The following KLHL42 variants were observed in gnomAD, a reference collection of about 807,000 sequenced individuals.
KLHL42 encodes kelch-like protein 42.
In KLHL42, 27 loss-of-function variants were observed where a neutral mutation model predicts 32.7. That is an observed-to-expected ratio of 0.83 (90% CI 0.61 to 1.14). The LOEUF (loss-of-function observed/expected upper bound fraction) is 1.14, where lower values mean the gene tolerates loss of function less well. KLHL42 is among the 50% of genes most tolerant of loss of function. The pLI, the probability that KLHL42 is intolerant of heterozygous loss-of-function variation, is 0.00. For missense variants in KLHL42, 491 were observed against 560.8 expected, an observed-to-expected ratio of 0.88 and a Z score of 1.26; for synonymous variants, 267 against 248.2, an observed-to-expected ratio of 1.08 and a Z score of -0.71.
At chr12:27,797,389 C>G (rs549334540) in intron 2 of KLHL42, 100 of 499,434 alleles carry the variant, frequency 2.0e-4, no homozygotes, top group Middle Eastern at 6.0e-4. Context: ...GAGGCACTTA[C>G]TTTTTTTACA....
chr12:27,789,815 G>GGGCT (rs149006498), intron 1 of KLHL42, among the ~76,000 whole-genome samples: 15 of 151,988 alleles, frequency 9.9e-5, no homozygotes, highest in Non-Finnish European at 1.5e-4. Context: ...ACAAAAAAGT[G>GGGCT]GGCTGGCTGG....
intron 1 of KLHL42, among the ~76,000 whole-genome samples, chr12:27,787,363 T>G (rs1349236847): frequency 6.6e-6 from 1 of 151,780 alleles, no homozygotes. Context: ...GGCATGGTGG[T>G]GGGCACCTGT....
At chr12:27,786,934 C>T (rs1165304628) in intron 1 of KLHL42, among the ~76,000 whole-genome samples, 1 of 151,380 alleles carries the variant, frequency 6.6e-6, no homozygotes, top group East Asian at 2.0e-4. Context: ...ACTGTGTTAG[C>T]CAGGATGGTC....
chr12:27,788,323 C>G (rs1245802595), intron 1 of KLHL42: 2 of 152,148 alleles, frequency 1.3e-5, no homozygotes, highest in Non-Finnish European at 2.9e-5. Context: ...CATATTAATG[C>G]TCACAACATC....
chr12:27,790,972 ACT>A (rs1300777966), intron 1 of KLHL42, among the ~76,000 whole-genome samples: 9 of 151,990 alleles, frequency 5.9e-5, no homozygotes, highest in African/African-American at 4.8e-5. Flanking sequence ...GAGGCAGGAG[ACT>A]CTCTTGAGCC....
At chr12:27,783,650 C>T (rs1044615592) in intron 1 of KLHL42, among the ~76,000 whole-genome samples, 18 of 152,002 alleles carry the variant, frequency 1.2e-4, no homozygotes, top group African/African-American at 3.6e-4. Flanking sequence ...GGCGGGATCT[C>T]GGCTCACTGC....
chr12:27,792,123 G>A lies in KLHL42; in HGVS notation c.1066+222G>A, dbSNP rs75026577. The A allele has an allele frequency of 4.2e-3, 1,579 of 378,328 alleles. 48 individuals carry two copies. In the East Asian group the frequency reaches 0.059, roughly 14 times the overall value. 23.4% of individuals were successfully genotyped at this position (378,328 alleles called of 1,614,324 possible). On this transcript the variant is annotated intron_variant, in intron 2 of 2. Transcript: ENST00000381271. Reference sequence around the variant, plus strand: ...TGTGTGAGCATGAAAATCGAATGGGGAAGGGAGAGCTGTGAAAAAAAAATG... The same window carrying A: ...TGTGTGAGCATGAAAATCGAATGGGAAAGGGAGAGCTGTGAAAAAAAAATG...
rs1180163708 is a variant in KLHL42 at position 27,797,838 on chromosome 12, G to T, written c.1190G>T (p.Gly397Val). Residue 397 changes from glycine (G) to valine (V), a missense_variant, in exon 3 of 3, where the codon GGG (glycine) becomes GTG (valine). This residue lies in a region of KLHL42 where 152 missense variants were observed against 125.9 expected (regional missense o/e 1.21). Coordinates refer to ENST00000381271, the MANE Select transcript of KLHL42 (RefSeq NM_020782.2). ...VSVEETIYIV[G>V]GCLHELGPNR... ...GTGGAAGAGACCATCTACATCGTGGGGGGGTGTCTCCACGAGCTGGGGCCC... is the reference window on the plus strand; with the variant it reads ...GTGGAAGAGACCATCTACATCGTGGTGGGGTGTCTCCACGAGCTGGGGCCC... The T allele has an allele frequency of 1.3e-6, 1 of 779,294 alleles. No homozygotes were observed. Among genetic ancestry groups the T allele is most frequent in the Non-Finnish European group, 2.4e-6 (1 of 416,864 alleles). The allele number at this position is 779,294 out of a possible 1,614,324, so 48.3% of individuals were successfully genotyped here. A position where few individuals can be genotyped will look rare whatever the true frequency, so the allele number is the denominator to read the frequency against.
intron 1 of KLHL42, among the ~76,000 whole-genome samples, chr12:27,783,696 C>T (rs1844972826): frequency 6.6e-6 from 1 of 152,146 alleles, no homozygotes; most frequent in African/African-American, 2.4e-5. Context: ...ATTCTCCTGC[C>T]TCAGCCTCCC....
intron 2 of KLHL42, among the ~76,000 whole-genome samples, chr12:27,796,520 C>G (rs190779239): frequency 3.5e-5 from 2 of 56,610 alleles, no homozygotes; most frequent in East Asian, 9.6e-4. Flanking sequence ...TTATTCTTTC[C>G]TAGAGGAGAA....
Position 27,800,467 on chromosome 12 carries a change from C to A in KLHL42, c.*2301C>A. ...CAGTACGTGGGAAAGGTGGAATGTG[C>A]AATAGGAACAGATCTGTGCATTTTG... On this transcript the variant is annotated 3_prime_UTR_variant, in exon 3 of 3. Transcript: ENST00000381271. 1.5e-6 allele frequency: 1 copy of A among 659,088 alleles called. No individual in the cohort carries two copies. The highest frequency in any genetic ancestry group is 1.9e-6 in the Non-Finnish European group (1 of 532,322). The allele number at this position is 659,088 out of a possible 1,614,324, so 40.8% of individuals were successfully genotyped here.
chr12:27,797,614 CTT>C (rs757085152), intron 2 of KLHL42, 99 bp from the exon 3 acceptor site: 5 of 654,580 alleles, frequency 7.6e-6, no homozygotes, highest in Admixed American at 2.4e-5. Flanking sequence ...AGTTTTTTCT[CTT>C]TGTTACCAAA....
At chr12:27,783,470 T>C (rs966427177) in intron 1 of KLHL42, among the ~76,000 whole-genome samples, 2 of 152,260 alleles carry the variant, frequency 1.3e-5, no homozygotes, top group Non-Finnish European at 2.9e-5. Flanking sequence ...ATTTTAAAAA[T>C]TCTGAAATTG....
chr12:27,792,611 C>T (rs1591816090), intron 2 of KLHL42, among the ~76,000 whole-genome samples: 1 of 152,132 alleles, frequency 6.6e-6, no homozygotes, highest in Non-Finnish European at 1.5e-5. Flanking sequence ...GCAATCTCTG[C>T]CTCCTGGGTT....
intron 2 of KLHL42, chr12:27,797,280 A>G: frequency 2.2e-6 from 1 of 457,186 alleles, no homozygotes; most frequent in Non-Finnish European, 4.4e-6. Context: ...GCTACTTGTC[A>G]TGTTTCTTAG....
Position 27,800,015 on chromosome 12 carries a change from A to G in KLHL42, c.*1849A>G. On this transcript the variant is annotated 3_prime_UTR_variant, in exon 3 of 3. Transcript: ENST00000381271. ...TCATTGTAGAATTGAATTTCCAGTG[A>G]CCTGTAATTTCATTACATATATTTT... 1.1e-6 allele frequency: 1 copy of G among 894,684 alleles called. No individual in the cohort carries two copies. Among genetic ancestry groups the G allele is most frequent in the South Asian group, 5.1e-5 (1 of 19,426 alleles). 55.4% of individuals were successfully genotyped at this position (894,684 alleles called of 1,614,324 possible). A position where few individuals can be genotyped will look rare whatever the true frequency, so the allele number is the denominator to read the frequency against.
rs190664497 is a variant in KLHL42, at chr12:27,786,452, A to G, written c.872+5250A>G. On this transcript the variant is annotated intron_variant, in intron 1 of 2. Transcript: ENST00000381271. ...GAGACAAGTAAAAATGAAACCTAGCACAGAGTTTTTCCTGGATGAGGCATC... is the reference window on the plus strand; with the variant it reads ...GAGACAAGTAAAAATGAAACCTAGCGCAGAGTTTTTCCTGGATGAGGCATC... 1.3e-3 allele frequency among the ~76,000 whole-genome samples: 191 copies of G among 152,310 alleles called. 1 individual carries two copies. Among genetic ancestry groups the G allele is most frequent in the Non-Finnish European group, 2.2e-4 (15 of 68,028 alleles).
chr12:27,796,456 A>C (rs946592831), intron 2 of KLHL42, among the ~76,000 whole-genome samples: 1 of 152,228 alleles, frequency 6.6e-6, no homozygotes, highest in East Asian at 1.9e-4. Context: ...AACAAAGTTC[A>C]TTCTGTTTAT....
rs1565480197 is a variant in KLHL42 at position 27,780,254 on chromosome 12, A to C, written c.-77A>C. The stretch of plus-strand genomic sequence containing the variant: ...CGCCATCCCTCGGCGCCCCGCCCGG[A>C]ACCGGCGCGCGCGTAGGGGCTGGGA... On this transcript the variant is annotated 5_prime_UTR_variant, in exon 1 of 3. Coordinates refer to ENST00000381271, the MANE Select transcript of KLHL42 (RefSeq NM_020782.2). This position sits in a 1 kb window ranked among gnomAD's most constrained non-coding sequence, Gnocchi z 8.8. 2 of 1,348,942 alleles carry C rather than the reference A, an allele frequency of 1.5e-6. No individual in the cohort carries two copies. The allele number at this position is 1,348,942 out of a possible 1,614,324, so 83.6% of individuals were successfully genotyped here.
Sources: gnomAD v4.1 joint callset for allele counts (sites outside exome capture counted in the v4.1 genomes callset) on GRCh38, gnomAD v4.1.1 for gene constraint, gnomAD v4.1.1 regional missense constraint, Gnocchi (gnomAD v3.1) non-coding constraint, MANE v1.5 for transcripts, NCBI Gene and HGNC (gene_info 2026-07-23, HGNC 2026-07-21) for gene names.